Variants in PARG observed in about 807,000 individuals in gnomAD.
The protein encoded by PARG is poly(ADP-ribose) glycohydrolase.
A neutral mutation model predicts 113.0 loss-of-function variants in PARG; 35 were observed. The observed-to-expected ratio is 0.31, with a 90% CI of 0.24 to 0.41. PARG has a LOEUF of 0.41. PARG is among the 10% of genes least tolerant of loss of function. PARG has a pLI of 1.00. For missense variants in PARG, 797 were observed against 1,169.4 expected, an observed-to-expected ratio of 0.68 and a Z score of 4.64; for synonymous variants, 330 against 409.9, an observed-to-expected ratio of 0.81 and a Z score of 2.36.
chr10:49,939,359 A>AT (rs1838903973), intron 1 of PARG, among the ~76,000 whole-genome samples: 1 of 152,224 alleles, frequency 6.6e-6, no homozygotes, highest in Non-Finnish European at 1.5e-5. Context: ...ATGACCAGTC[A>AT]TTTTTCAATG....
chr10:49,905,895 A>C (rs1259563485), intron 7 of PARG, among the ~76,000 whole-genome samples: 1 of 152,110 alleles, frequency 6.6e-6, no homozygotes, highest in African/African-American at 2.4e-5. Flanking sequence ...TTGTGGTCAC[A>C]TGGGTTAATA....
intron 7 of PARG, among the ~76,000 whole-genome samples, chr10:49,892,620 G>A (rs2664494): frequency 1.3e-5 from 2 of 152,248 alleles, no homozygotes; most frequent in East Asian, 1.9e-4. Context: ...TAAAATAACT[G>A]TACACTGAAT....
At chr10:49,920,286 A>G (rs1588991067) in intron 6 of PARG, among the ~76,000 whole-genome samples, 1 of 150,552 alleles carries the variant, frequency 6.6e-6, no homozygotes, top group South Asian at 2.1e-4. Context: ...ACAAAAAACT[A>G]AAATAAACAA....
In PARG at chr10:49,857,578, C is replaced by T. The variant is rs1206599304; in HGVS notation, c.2206-125G>A. The T allele has an allele frequency of 1.3e-4, 77 of 599,586 alleles. No individual in the cohort carries two copies. The African/African-American group carries it at 1.4e-3, about 11-fold the overall frequency. 37.1% of individuals were successfully genotyped at this position (599,586 alleles called of 1,614,324 possible). On this transcript the variant is annotated intron_variant, in intron 12 of 17. Coordinates refer to ENST00000616448, the MANE Select transcript of PARG (RefSeq NM_003631.5). ...GAAAATCAATCCCCAAATAAGTAAT[C>T]TTCCCAGGAAGGGCAGATTTTGGTT... is the stretch of plus-strand genomic sequence containing the variant.
intron 7 of PARG, among the ~76,000 whole-genome samples, chr10:49,899,260 A>T (rs1341139554): frequency 6.6e-6 from 1 of 152,258 alleles, no homozygotes; most frequent in African/African-American, 2.4e-5. Context: ...TCAAAAATTA[A>T]AAGTACAAAA....
chr10:49,914,793 G>A (rs1164436407), intron 7 of PARG, among the ~76,000 whole-genome samples: 1 of 152,272 alleles, frequency 6.6e-6, no homozygotes, highest in East Asian at 1.9e-4. Context: ...CAATCCTTAC[G>A]TCAACTGGTT....
intron 13 of PARG, among the ~76,000 whole-genome samples, chr10:49,857,009 CAAAAAAAAAAA>C (rs71270682): frequency 5.4e-5 from 4 of 74,618 alleles, no homozygotes; most frequent in Admixed American, 3.3e-4. Flanking sequence ...ACCTCTGTCT[CAAAAAAAAAAA>C]AAAAAAAAAA....
At chr10:49,828,092 CAAAA>C (rs71026274) in intron 16 of PARG, among the ~76,000 whole-genome samples, 10 of 50,406 alleles carry the variant, frequency 2.0e-4, no homozygotes, top group African/African-American at 7.9e-4. Context: ...AAAGCTTAAA[CAAAA>C]AAAAAAAAAA....
intron 13 of PARG, among the ~76,000 whole-genome samples, chr10:49,846,958 C>A (rs1264742114): frequency 6.6e-6 from 1 of 151,440 alleles, no homozygotes; most frequent in Admixed American, 6.6e-5. Context: ...ATGATGGGCA[C>A]ATGTCAAAGG....
chr10:49,833,395 T>A (rs1232753877), intron 15 of PARG: 1 of 152,214 alleles, frequency 6.6e-6, no homozygotes, highest in Non-Finnish European at 1.5e-5. Flanking sequence ...TTATGGAGAT[T>A]AGATTAATAA....
At chr10:49,838,470 A>G (rs1002045111) in intron 15 of PARG, among the ~76,000 whole-genome samples, 12 of 147,206 alleles carry the variant, frequency 8.2e-5, no homozygotes, top group Non-Finnish European at 1.8e-4. Flanking sequence ...ATTTGAAGTC[A>G]GGGGAGCCTG....
intron 7 of PARG, among the ~76,000 whole-genome samples, chr10:49,906,144 C>CTTTTT (rs71471360): frequency 9.0e-6 from 1 of 111,060 alleles, no homozygotes. Flanking sequence ...GATGCTGCCG[C>CTTTTT]TTTTTTTTTT....
At chr10:49,850,355 TTAA>T (rs1228207679) in intron 13 of PARG, among the ~76,000 whole-genome samples, 1 of 148,598 alleles carries the variant, frequency 6.7e-6, no homozygotes, top group Non-Finnish European at 1.5e-5. Context: ...TTCAGGGTTC[TTAA>T]TAATTCTTAT....
chr10:49,923,753 T>A (rs1255203109), intron 4 of PARG, among the ~76,000 whole-genome samples: 9 of 151,336 alleles, frequency 5.9e-5, no homozygotes, highest in African/African-American at 2.2e-4. Context: ...CTCCAGCATG[T>A]GTACTAGGGA....
At position 49,819,146 on chromosome 10, in the gene PARG, C is replaced by G. The variant is rs551672428; in HGVS notation, c.*194G>C. Reference sequence around the variant, plus strand: ...TAGAAACAAAACATATCTAAGTCCACGTGAGTCAGGATGGAGGGAGTTTAG... The same window carrying G: ...TAGAAACAAAACATATCTAAGTCCAGGTGAGTCAGGATGGAGGGAGTTTAG... On this transcript the variant is annotated 3_prime_UTR_variant, in exon 18 of 18. Transcript: ENST00000616448. 2.1e-6 allele frequency: 1 copy of G among 472,518 alleles called. No individual in the cohort carries two copies. The highest frequency in any genetic ancestry group is 3.4e-5 in the East Asian group (1 of 29,508). The allele number at this position is 472,518 out of a possible 1,614,324, so 29.3% of individuals were successfully genotyped here. A position where few individuals can be genotyped will look rare whatever the true frequency, so the allele number is the denominator to read the frequency against.
rs1225910290 is a variant in PARG, at chr10:49,920,460, AAAAATATATATAT to A, written c.1662+1863_1662+1875del. 5.6e-3 allele frequency among the ~76,000 whole-genome samples: 302 copies of A among 53,526 alleles called. 5 individuals carry two copies. The highest frequency in any genetic ancestry group is 0.023 in the African/African-American group (295 of 12,738). 35.1% of individuals were successfully genotyped at this position (53,526 alleles called of 152,430 possible). ...AGACCCAGCCTCAAATTAAAAAAAA[AAAAATATATATAT>A]ATATATATATATATATATATATATA... On this transcript the variant is annotated intron_variant, in intron 6 of 17. Coordinates refer to ENST00000616448, the MANE Select transcript of PARG (RefSeq NM_003631.5).
chr10:49,878,387 G>A (rs1158004822), intron 9 of PARG, among the ~76,000 whole-genome samples: 4 of 147,872 alleles, frequency 2.7e-5, no homozygotes, highest in Admixed American at 6.8e-5. Flanking sequence ...GGAGATAGAA[G>A]CAGGCAGATC....
intron 4 of PARG, among the ~76,000 whole-genome samples, chr10:49,929,686 C>T (rs1321641604): frequency 1.3e-5 from 2 of 152,000 alleles, no homozygotes; most frequent in East Asian, 1.9e-4. Context: ...ATTAGCCAGG[C>T]GTGGTGGTGC....
At chr10:49,833,050 A>G in intron 15 of PARG, 142 bp from the exon 16 acceptor site, 1 of 475,272 alleles carries the variant, frequency 2.1e-6, no homozygotes, top group Non-Finnish European at 3.8e-6. Context: ...AAATAGAGGG[A>G]AAAACAAAGA....
Sources: gnomAD v4.1 joint callset for allele counts (sites outside exome capture counted in the v4.1 genomes callset) on GRCh38, gnomAD v4.1.1 for gene constraint, MANE v1.5 for transcripts, NCBI Gene and HGNC (gene_info 2026-07-23, HGNC 2026-07-21) for gene names.